LRFN2: variants seen among roughly 807,000 people sequenced by gnomAD.
LRFN2 encodes leucine-rich repeat and fibronectin type-III domain-containing protein 2.
In LRFN2, 18 loss-of-function variants were observed where a neutral mutation model predicts 37.3. The observed-to-expected ratio is 0.48, with a 90% confidence interval of 0.33 to 0.72. The LOEUF (loss-of-function observed/expected upper bound fraction) is 0.72, where lower values mean the gene tolerates loss of function less well. Among genes scored for constraint, LRFN2 ranks in the 30% least tolerant of loss-of-function variants. LRFN2 has a pLI of 0.02. For missense variants in LRFN2, 1,006 were observed against 1,060.7 expected (o/e 0.95, Z 0.72); for synonymous variants, 556 against 466.6 (o/e 1.19, Z -2.47).
chr6:40,431,806 G>A lies in LRFN2; in HGVS notation c.1308C>T (p.Ala436=). 1 of 1,548,590 alleles carries A rather than the reference G, an allele frequency of 6.5e-7. No individual in the cohort carries two copies. The highest frequency in any genetic ancestry group is 1.3e-5 in the South Asian group (1 of 79,510). ...VLVSEVTTTS[A]LVKWSVSKSA... is the part of the protein sequence containing the mutation. Reference sequence around the variant, plus strand: ...ACTTGCTGACAGACCACTTGACCAGGGCCGAGGTGGTGGTCACTTCAGACA... The same window carrying A: ...ACTTGCTGACAGACCACTTGACCAGAGCCGAGGTGGTGGTCACTTCAGACA... The change falls in exon 2 of 3, where the codon GCC becomes GCT. Residue 436 remains alanine, a synonymous_variant. Transcript: ENST00000338305.
In LRFN2 at chr6:40,456,099, C is replaced by T. The variant is rs75620790; in HGVS notation, c.-18-22968G>A. Among the ~76,000 whole-genome samples, 16 of 152,290 alleles carry T rather than the reference C, an allele frequency of 1.1e-4. No individual in the cohort carries two copies. In the East Asian group the frequency reaches 3.1e-3, roughly 29 times the overall value. On this transcript the variant is annotated intron_variant, in intron 1 of 2. Transcript: ENST00000338305. ...GAGAGAAGGGGCCTCAGTTCTACAA[C>T]TTCAAGGAACTGAATTCTGCCAACT...
rs188040758 is a variant in LRFN2, at chr6:40,520,543, A to G, written c.-19+66398T>C. Among the ~76,000 whole-genome samples the G allele has an allele frequency of 2.0e-5, 3 of 152,344 alleles. No individual in the cohort carries two copies. The East Asian group carries it at 5.8e-4, about 29-fold the overall frequency. On this transcript the variant is annotated intron_variant, in intron 1 of 2. Transcript: ENST00000338305. ...ATCCAGCCATCTGTCCAGCATAGCC[A>G]GAAGCATTGTGGCCTTCCTGTCCTT...
At chr6:40,493,544 C>T (rs1765145630) in intron 1 of LRFN2, among the ~76,000 whole-genome samples, 2 of 152,198 alleles carry the variant, frequency 1.3e-5, no homozygotes, top group Admixed American at 1.3e-4. Flanking sequence ...GTCTGTCTAG[C>T]ACCCACACTA....
At chr6:40,536,263 C>T (rs938320861) in intron 1 of LRFN2, among the ~76,000 whole-genome samples, 2 of 151,924 alleles carry the variant, frequency 1.3e-5, no homozygotes, top group Admixed American at 6.5e-5. Flanking sequence ...CACAGCCCTG[C>T]CTCAGGGAGC....
chr6:40,396,274 G>A (rs1762612308), intron 2 of LRFN2, among the ~76,000 whole-genome samples: 1 of 152,034 alleles, frequency 6.6e-6, no homozygotes, highest in South Asian at 2.1e-4. Flanking sequence ...AGGAGGCCCA[G>A]CTAGTAAGTT....
chr6:40,493,215 GC>G (rs60107073), intron 1 of LRFN2, among the ~76,000 whole-genome samples: 1,744 of 152,186 alleles, frequency 0.011, 29 homozygotes, highest in African/African-American at 0.039. Flanking sequence ...CTCTATAGAT[GC>G]CCCCTGCCCT....
Position 40,457,637 on chromosome 6 carries a change from T to TAAAAA in LRFN2, c.-18-24511_-18-24507dup, listed in dbSNP as rs70984171. Among the ~76,000 whole-genome samples the TAAAAA allele has an allele frequency of 2.9e-3, 294 of 101,366 alleles. 1 individual carries two copies. Among genetic ancestry groups the TAAAAA allele is most frequent in the Non-Finnish European group, 4.9e-3 (252 of 51,582 alleles). 66.5% of individuals were successfully genotyped at this position (101,366 alleles called of 152,430 possible). A position where few individuals can be genotyped will look rare whatever the true frequency, so the allele number is the denominator to read the frequency against. ...CTAGGCAACAAAGAAAGACCCTGTT[T>TAAAAA]AAAAAAAAAAAAAAAAAAAAAAGAG... On this transcript the variant is annotated intron_variant, in intron 1 of 2. Coordinates refer to ENST00000338305, the MANE Select transcript of LRFN2 (RefSeq NM_020737.3).
intron 1 of LRFN2, among the ~76,000 whole-genome samples, chr6:40,544,932 T>A (rs1283782387): frequency 6.6e-6 from 1 of 152,204 alleles, no homozygotes; most frequent in Non-Finnish European, 1.5e-5. Flanking sequence ...TAATGGCAAC[T>A]GAACAAGTGC....
intron 2 of LRFN2, among the ~76,000 whole-genome samples, chr6:40,411,393 G>A (rs981512202): frequency 7.2e-5 from 11 of 152,330 alleles, no homozygotes; most frequent in South Asian, 2.1e-4. Flanking sequence ...GTGACTGTGC[G>A]TCCACTGGCC....
Position 40,558,459 on chromosome 6 carries a change from C to T in LRFN2, c.-19+28482G>A, listed in dbSNP as rs1217403741. ...AAGATGGATCTGCCTCTGGCTGAGG[C>T]ATTTGAGGGTTTGGCCACCTTGCTC... On this transcript the variant is annotated intron_variant, in intron 1 of 2. Coordinates refer to ENST00000338305, the MANE Select transcript of LRFN2 (RefSeq NM_020737.3). Among the ~76,000 whole-genome samples the T allele has an allele frequency of 2.0e-5, 3 of 152,116 alleles. No individual in the cohort carries two copies. In the East Asian group the frequency reaches 5.8e-4, roughly 29 times the overall value.
At chr6:40,548,292 T>C (rs1016455657) in intron 1 of LRFN2, among the ~76,000 whole-genome samples, 1 of 151,972 alleles carries the variant, frequency 6.6e-6, no homozygotes, top group Non-Finnish European at 1.5e-5. Context: ...ACACAAAAAA[T>C]TAGCTGGACA....
intron 1 of LRFN2, among the ~76,000 whole-genome samples, chr6:40,462,065 T>A (rs1179218561): frequency 6.6e-6 from 1 of 152,218 alleles, no homozygotes; most frequent in African/African-American, 2.4e-5. Flanking sequence ...CATACCTTTG[T>A]GAAATCAAAA....
chr6:40,419,480 G>A (rs772973331), intron 2 of LRFN2, among the ~76,000 whole-genome samples: 40 of 152,188 alleles, frequency 2.6e-4, no homozygotes, highest in Non-Finnish European at 5.0e-4. Flanking sequence ...GCCAAGTGCA[G>A]TCCTGCCCAG....
intron 1 of LRFN2, among the ~76,000 whole-genome samples, chr6:40,528,321 C>T (rs1766291652): frequency 6.6e-6 from 1 of 152,252 alleles, no homozygotes; most frequent in African/African-American, 2.4e-5. Context: ...GATTCTCAGA[C>T]ACTGTAGATG....
intron 1 of LRFN2, among the ~76,000 whole-genome samples, chr6:40,493,901 C>T (rs1765157732): frequency 6.6e-6 from 1 of 152,238 alleles, no homozygotes; most frequent in Non-Finnish European, 1.5e-5. Flanking sequence ...GACACAATCA[C>T]TAGGTATGTC....
chr6:40,435,138 T>TTA (rs1207663402), intron 1 of LRFN2, among the ~76,000 whole-genome samples: 22 of 116,860 alleles, frequency 1.9e-4, no homozygotes, highest in East Asian at 9.4e-4. Context: ...ATTATGTATT[T>TTA]TATATATATA....
chr6:40,443,953 C>A (rs1763904891), intron 1 of LRFN2, among the ~76,000 whole-genome samples: 1 of 152,112 alleles, frequency 6.6e-6, no homozygotes, highest in Non-Finnish European at 1.5e-5. Context: ...CAGATACAAC[C>A]CACTGACAAC....
Position 40,479,944 on chromosome 6 carries a change from T to C in LRFN2, c.-18-46813A>G, listed in dbSNP as rs983781411. Among the ~76,000 whole-genome samples, 5 of 152,242 alleles carry C rather than the reference T, an allele frequency of 3.3e-5. No homozygotes were observed. The South Asian group carries it at 6.2e-4, about 19-fold the overall frequency. ...CTGTTATTTTTTTCTAAGGCCTACT[T>C]CTAGGAAAATGTCAAGGATTCCTGA... On this transcript the variant is annotated intron_variant, in intron 1 of 2. Transcript: ENST00000338305.
At chr6:40,472,472 G>A (rs1317755865) in intron 1 of LRFN2, among the ~76,000 whole-genome samples, 1 of 152,250 alleles carries the variant, frequency 6.6e-6, no homozygotes, top group East Asian at 1.9e-4. Flanking sequence ...AGAGAGCAGA[G>A]AAGCTGCTTT....
Sources: allele counts gnomAD v4.1 joint callset (sites outside exome capture counted in the v4.1 genomes callset), GRCh38; gene constraint gnomAD v4.1.1; transcripts MANE v1.5; gene names NCBI Gene and HGNC (gene_info 2026-07-23, HGNC 2026-07-21).